The following CUBN variants were observed in gnomAD, a reference collection of about 807,000 sequenced individuals.
CUBN encodes the protein 460 kDa receptor.
In CUBN, 282 loss-of-function variants were observed where a neutral mutation model predicts 405.3. The observed-to-expected ratio is 0.70, with a 90% CI of 0.63 to 0.77. The LOEUF (loss-of-function observed/expected upper bound fraction) is 0.77, where lower values mean the gene tolerates loss of function less well. Ranked by LOEUF, CUBN falls within the 30% of genes least tolerant of loss-of-function variation. The probability of loss-of-function intolerance (pLI) is 0.00; values close to 1 mark genes in which losing one functional copy is unlikely to be tolerated. For synonymous variants in CUBN, 1,684 were observed against 1,617.0 expected (o/e 1.04, Z -0.99); for missense variants, 4,514 against 4,475.2 (o/e 1.01, Z -0.25).
At chr10:16,986,349 T>C (rs1004402838) in intron 29 of CUBN, among the ~76,000 whole-genome samples, 3 of 138,248 alleles carry the variant, frequency 2.2e-5, no homozygotes, top group Non-Finnish European at 4.6e-5. Flanking sequence ...CAGGACCCAC[T>C]GCTGACTGAT....
intron 31 of CUBN, 74 bp from the exon 32 acceptor site, chr10:16,954,622 C>T (rs1444443040): frequency 5.3e-6 from 8 of 1,495,842 alleles, no homozygotes; most frequent in Admixed American, 1.8e-5. Context: ...GAACTGTCTG[C>T]ACGCCGATAT....
At chr10:16,892,078 A>G (rs186114127) in intron 54 of CUBN, among the ~76,000 whole-genome samples, 8 of 152,238 alleles carry the variant, frequency 5.3e-5, no homozygotes, top group Non-Finnish European at 1.2e-4. Flanking sequence ...CAAGTCATTA[A>G]AAACATTTCT....
At chr10:17,067,865 C>T (rs1175741870) in intron 21 of CUBN, among the ~76,000 whole-genome samples, 199 bp downstream of exon 21, 1 of 148,142 alleles carries the variant, frequency 6.8e-6, no homozygotes, top group Non-Finnish European at 1.5e-5. Flanking sequence ...TTGGTTTTGA[C>T]TTCATGAATA....
At chr10:17,091,242 G>A (rs1259746353) in intron 14 of CUBN, among the ~76,000 whole-genome samples, 3 of 152,146 alleles carry the variant, frequency 2.0e-5, no homozygotes, top group South Asian at 2.1e-4. Flanking sequence ...AACAAAACAC[G>A]GAAAAGTGTT....
intron 16 of CUBN, 123 bp downstream of exon 16, chr10:17,085,474 A>T: frequency 9.9e-7 from 1 of 1,007,454 alleles, no homozygotes. Flanking sequence ...AAATATTTAT[A>T]AAGAAATGTT....
chr10:17,019,956 G>A lies in CUBN; in HGVS notation c.4045C>T (p.Arg1349Cys), dbSNP rs757977392. Residue 1349 changes from arginine to cysteine, a missense_variant, in exon 28 of 67, where the codon CGC (arginine) becomes TGC (cysteine). By Grantham distance (180) the Arg-to-Cys change is radical (BLOSUM62 -3). Around this residue, in one of 5 missense-constraint regions of CUBN, gnomAD observed 242 missense variants for 309.0 expected, o/e 0.78. Transcript: ENST00000377833. ...ELYDGPRQMG[R>C]YCGVDLPPPG... is the part of the protein sequence containing the mutation. The stretch of plus-strand genomic sequence containing the variant: ...GGGGGCAGGTCTACTCCACAGTAGC[G>A]TCCCATCTGCCGTGGTCCATCATAG... 9.9e-6 allele frequency: 16 copies of A among 1,613,966 alleles called. No individual in the cohort carries two copies. The highest frequency in any genetic ancestry group is 2.2e-5 in the East Asian group (1 of 44,882).
At chr10:17,022,434 T>C (rs1052869079) in intron 27 of CUBN, among the ~76,000 whole-genome samples, 1 of 152,198 alleles carries the variant, frequency 6.6e-6, no homozygotes, top group Non-Finnish European at 1.5e-5. Context: ...CTGCTTTGAA[T>C]GTGTATATTT....
intron 6 of CUBN, among the ~76,000 whole-genome samples, chr10:17,115,839 C>T (rs1386926052): frequency 1.3e-5 from 2 of 152,140 alleles, no homozygotes; most frequent in African/African-American, 2.4e-5. Flanking sequence ...AAGCCTAGCA[C>T]TATAAATTCT....
At chr10:17,014,028 G>A (rs897919345) in intron 28 of CUBN, among the ~76,000 whole-genome samples, 1 of 152,188 alleles carries the variant, frequency 6.6e-6, no homozygotes, top group Non-Finnish European at 1.5e-5. Context: ...CGTATCTGAA[G>A]CACTGGTCCC....
chr10:16,890,267 C>T (rs1263150515), intron 55 of CUBN, 104 bp downstream of exon 55: 19 of 1,056,532 alleles, frequency 1.8e-5, no homozygotes, highest in Non-Finnish European at 2.7e-5. Context: ...TCCCCGTAGA[C>T]CCCCATACTC....
chr10:16,883,969 T>A (rs537186087), intron 56 of CUBN, among the ~76,000 whole-genome samples: 3 of 152,334 alleles, frequency 2.0e-5, no homozygotes, highest in East Asian at 1.9e-4. Flanking sequence ...TTTCATTTTT[T>A]AAATTTTATT....
intron 22 of CUBN, among the ~76,000 whole-genome samples, chr10:17,058,769 G>C (rs1381315708): frequency 6.6e-6 from 1 of 151,938 alleles, no homozygotes; most frequent in Non-Finnish European, 1.5e-5. Flanking sequence ...ACTAAGTTTT[G>C]GTTTCCTCTT....
intron 45 of CUBN, among the ~76,000 whole-genome samples, chr10:16,917,170 G>A (rs1235141847): frequency 1.3e-5 from 2 of 151,990 alleles, no homozygotes; most frequent in African/African-American, 2.4e-5. Flanking sequence ...AGAAAAAAAA[G>A]GTTAATTATT....
chr10:17,096,682 T>C (rs1588639478), intron 14 of CUBN, among the ~76,000 whole-genome samples: 1 of 152,050 alleles, frequency 6.6e-6, no homozygotes, highest in African/African-American at 2.4e-5. Flanking sequence ...GAGGACTACA[T>C]CTAACCATTA....
intron 31 of CUBN, among the ~76,000 whole-genome samples, chr10:16,979,815 T>C (rs982965583): frequency 3.9e-5 from 6 of 151,972 alleles, no homozygotes; most frequent in African/African-American, 1.5e-4. Context: ...CCAAGAGCAA[T>C]GGTAACAAAA....
intron 34 of CUBN, 105 bp from the exon 35 acceptor site, chr10:16,948,711 TGAAGAA>T (rs756834069): frequency 2.9e-4 from 425 of 1,445,510 alleles, no homozygotes; most frequent in Non-Finnish European, 3.8e-4. Context: ...CAAAACAAAG[TGAAGAA>T]ATTGCCACTA....
chr10:17,023,303 C>G (rs535132266), intron 27 of CUBN, among the ~76,000 whole-genome samples: 1 of 149,396 alleles, frequency 6.7e-6, no homozygotes, highest in African/African-American at 2.5e-5. Flanking sequence ...AAATAAGCAT[C>G]AAATAGACAT....
intron 13 of CUBN, among the ~76,000 whole-genome samples, chr10:17,101,630 G>A (rs1836495230): frequency 6.6e-6 from 1 of 152,178 alleles, no homozygotes; most frequent in Non-Finnish European, 1.5e-5. Flanking sequence ...CCAGGAGGTG[G>A]TTGAGAAACA....
At chr10:16,953,680 T>G (rs1842975785) in intron 32 of CUBN, among the ~76,000 whole-genome samples, 1 of 151,434 alleles carries the variant, frequency 6.6e-6, no homozygotes. Flanking sequence ...ACAGAGCAGA[T>G]CCCATCTCTA....
Sources: allele counts gnomAD v4.1 joint callset (sites outside exome capture counted in the v4.1 genomes callset), GRCh38; gene constraint gnomAD v4.1.1; regional missense constraint gnomAD v4.1.1; transcripts MANE v1.5; gene names NCBI Gene and HGNC (gene_info 2026-07-23, HGNC 2026-07-21).